SAMD12: variants seen among roughly 807,000 people sequenced by gnomAD.
SAMD12 encodes the protein sterile alpha motif domain containing 12.
SAMD12 carries 9 observed loss-of-function variants against 15.0 expected under a neutral mutation model. The ratio of observed to expected loss-of-function variants is 0.60; its 90% CI spans 0.36 to 1.05. The LOEUF is 1.05. SAMD12 is among the 50% of genes least tolerant of loss of function. The probability of loss-of-function intolerance (pLI) is 0.01; values close to 1 mark genes in which losing one functional copy is unlikely to be tolerated. For synonymous variants in SAMD12, 86 were observed against 90.1 expected, an observed-to-expected ratio of 0.96 and a Z score of 0.25; for missense variants, 230 against 234.2, an observed-to-expected ratio of 0.98 and a Z score of 0.12.
chr8:118,525,448 T>C (rs1249235393), intron 2 of SAMD12, among the ~76,000 whole-genome samples: 2 of 152,210 alleles, frequency 1.3e-5, no homozygotes, highest in Non-Finnish European at 2.9e-5. Flanking sequence ...GCAAGTGTCA[T>C]CAGAGCAGAC....
chr8:118,470,243 C>CT (rs1242564095), intron 2 of SAMD12, among the ~76,000 whole-genome samples: 2,105 of 134,494 alleles, frequency 0.016, 20 homozygotes, highest in Non-Finnish European at 0.023. Context: ...AATATGTTAT[C>CT]TTTTTTTTTT....
intron 2 of SAMD12, among the ~76,000 whole-genome samples, chr8:118,570,693 A>C (rs953397794): frequency 2.6e-5 from 4 of 152,056 alleles, no homozygotes; most frequent in Admixed American, 2.6e-4. Context: ...TAATAGAATG[A>C]TTTATATTCC....
intron 4 of SAMD12, among the ~76,000 whole-genome samples, chr8:118,209,728 G>C (rs1428525034): frequency 1.3e-5 from 2 of 152,200 alleles, no homozygotes; most frequent in East Asian, 3.8e-4. Flanking sequence ...AAATTACACT[G>C]CTTGCAAAGC....
chr8:118,216,023 C>G (rs1428950436), intron 4 of SAMD12, among the ~76,000 whole-genome samples: 1 of 151,556 alleles, frequency 6.6e-6, no homozygotes, highest in Non-Finnish European at 1.5e-5. Context: ...AGTTCTAGAT[C>G]CCTGAGGAAT....
intron 4 of SAMD12, among the ~76,000 whole-genome samples, chr8:118,215,255 C>A (rs1230477094): frequency 6.6e-6 from 1 of 152,048 alleles, no homozygotes; most frequent in Non-Finnish European, 1.5e-5. Context: ...TACGTATTGT[C>A]TTATAGCTGC....
chr8:118,292,978 C>T (rs1814496368), intron 4 of SAMD12, among the ~76,000 whole-genome samples: 1 of 151,680 alleles, frequency 6.6e-6, no homozygotes, highest in Non-Finnish European at 1.5e-5. Flanking sequence ...GTGCAGCGCA[C>T]CAGCATGGCA....
At chr8:118,496,595 T>C (rs923105054) in intron 2 of SAMD12, among the ~76,000 whole-genome samples, 2 of 152,056 alleles carry the variant, frequency 1.3e-5, no homozygotes, top group Non-Finnish European at 2.9e-5. Context: ...AGCATAAATA[T>C]AAAACCTCAA....
intron 4 of SAMD12, among the ~76,000 whole-genome samples, chr8:118,241,663 A>G (rs1812569687): frequency 6.6e-6 from 1 of 152,162 alleles, no homozygotes; most frequent in Admixed American, 6.5e-5. Context: ...GAATCTGGGC[A>G]GGTCACGACA....
intron 4 of SAMD12, among the ~76,000 whole-genome samples, chr8:118,207,773 T>C (rs983681528): frequency 2.0e-5 from 3 of 152,174 alleles, no homozygotes. Context: ...GGCTTCTCTG[T>C]TGACTGATCC....
chr8:118,157,152 A>G, the SAMD12 span, among the ~76,000 whole-genome samples: 2 of 152,214 alleles, frequency 1.3e-5, no homozygotes, highest in Admixed American at 1.3e-4. Context: ...ATTCAGGGGT[A>G]GCAATCAAAA....
intron 4 of SAMD12, among the ~76,000 whole-genome samples, chr8:118,215,835 G>A (rs1586351714): frequency 6.6e-6 from 1 of 152,116 alleles, no homozygotes; most frequent in Admixed American, 6.5e-5. Flanking sequence ...TGGTGTATAT[G>A]TGCCACATTT....
At chr8:118,276,800 T>C (rs1344727532) in intron 4 of SAMD12, among the ~76,000 whole-genome samples, 3 of 152,098 alleles carry the variant, frequency 2.0e-5, no homozygotes, top group Admixed American at 2.0e-4. Flanking sequence ...AACTTCCCAA[T>C]TAACTGGGAT....
At chr8:118,307,304 T>C (rs1352611888) in intron 4 of SAMD12, among the ~76,000 whole-genome samples, 1 of 152,242 alleles carries the variant, frequency 6.6e-6, no homozygotes, top group African/African-American at 2.4e-5. Context: ...GAAAATCATT[T>C]GGGGAAATTT....
intron 2 of SAMD12, among the ~76,000 whole-genome samples, chr8:118,532,530 T>C (rs1483884483): frequency 6.6e-6 from 1 of 152,234 alleles, no homozygotes; most frequent in Non-Finnish European, 1.5e-5. Flanking sequence ...CTCCTCTTTG[T>C]ACCTCTGGTA....
chr8:118,578,695 C>T (rs1827210317), intron 2 of SAMD12, among the ~76,000 whole-genome samples: 1 of 152,176 alleles, frequency 6.6e-6, no homozygotes, highest in Non-Finnish European at 1.5e-5. Flanking sequence ...TGCTGGCATC[C>T]ACAGTAATCA....
At chr8:118,418,232 T>C (rs1183885153) in intron 3 of SAMD12, among the ~76,000 whole-genome samples, 1 of 152,256 alleles carries the variant, frequency 6.6e-6, no homozygotes, top group African/African-American at 2.4e-5. Context: ...GAGCCTGGCC[T>C]GGTTTCACCC....
At chr8:118,563,895 C>T (rs1826776974) in intron 2 of SAMD12, among the ~76,000 whole-genome samples, 1 of 152,210 alleles carries the variant, frequency 6.6e-6, no homozygotes. Context: ...TGGGGTTCCA[C>T]AGGGTGCCAT....
chr8:118,359,543 T>A (rs1329013283), intron 4 of SAMD12, among the ~76,000 whole-genome samples: 1 of 152,190 alleles, frequency 6.6e-6, no homozygotes, highest in African/African-American at 2.4e-5. Flanking sequence ...ATATTCCCAA[T>A]GTATGCAGTT....
At chr8:118,341,553 T>G (rs914332254) in intron 4 of SAMD12, among the ~76,000 whole-genome samples, 1 of 152,216 alleles carries the variant, frequency 6.6e-6, no homozygotes, top group Non-Finnish European at 1.5e-5. Flanking sequence ...CTCATGGTTC[T>G]AGAGGCTGAA....
Sources: gnomAD v4.1 joint callset for allele counts (sites outside exome capture counted in the v4.1 genomes callset) on GRCh38, gnomAD v4.1.1 for gene constraint, MANE v1.5 for transcripts, NCBI Gene and HGNC (gene_info 2026-07-23, HGNC 2026-07-21) for gene names.